The following PREP variants were observed in gnomAD, a reference collection of about 807,000 sequenced individuals.
PREP encodes the protein dJ355L5.1 (prolyl endopeptidase).
Under a neutral mutation model 87.6 loss-of-function variants are expected in PREP, and 29 were observed. The observed-to-expected ratio is 0.33, with a 90% CI of 0.25 to 0.45. The LOEUF (loss-of-function observed/expected upper bound fraction) is 0.45, where lower values mean the gene tolerates loss of function less well. Ranked by LOEUF, PREP falls within the 20% of genes least tolerant of loss-of-function variation. The probability of loss-of-function intolerance (pLI) is 1.00; values close to 1 mark genes in which losing one functional copy is unlikely to be tolerated. For synonymous variants in PREP, 337 were observed against 328.6 expected, an observed-to-expected ratio of 1.03 and a Z score of -0.28; for missense variants, 695 against 886.5, an observed-to-expected ratio of 0.78 and a Z score of 2.74.
chr6:105,394,994 T>A (rs545559111), intron 2 of PREP, among the ~76,000 whole-genome samples: 10 of 152,160 alleles, frequency 6.6e-5, no homozygotes, highest in African/African-American at 2.4e-4. Context: ...AAAACAATCA[T>A]TTCCAACAGA....
chr6:105,354,202 T>C (rs904233925), intron 6 of PREP, among the ~76,000 whole-genome samples: 2 of 152,204 alleles, frequency 1.3e-5, no homozygotes, highest in Non-Finnish European at 2.9e-5. Flanking sequence ...ATCCTACCCA[T>C]AAACATCTAT....
intron 5 of PREP, among the ~76,000 whole-genome samples, chr6:105,370,778 A>G (rs997047955): frequency 2.6e-5 from 4 of 152,214 alleles, no homozygotes. Context: ...AAAAGGCTAC[A>G]TACTGTCTAA....
intron 2 of PREP, among the ~76,000 whole-genome samples, chr6:105,393,544 A>G (rs1773214042): frequency 6.6e-6 from 1 of 152,232 alleles, no homozygotes; most frequent in Admixed American, 6.5e-5. Flanking sequence ...GATATGAAAT[A>G]TGTTAACAGA....
intron 2 of PREP, among the ~76,000 whole-genome samples, chr6:105,389,942 T>C (rs1354870321): frequency 3.9e-5 from 6 of 152,046 alleles, no homozygotes; most frequent in Admixed American, 1.3e-4. Flanking sequence ...GGACAGACAA[T>C]GAAGGGCACC....
At chr6:105,326,304 TAC>T (rs1771157285) in intron 9 of PREP, among the ~76,000 whole-genome samples, 1 of 152,094 alleles carries the variant, frequency 6.6e-6, no homozygotes, top group African/African-American at 2.4e-5. Context: ...GTTCCACAAG[TAC>T]AGAGTTCACC....
In PREP at chr6:105,278,566, G is replaced by T; in HGVS notation, c.1839-128C>A. The T allele has an allele frequency of 1.0e-6, 1 of 963,488 alleles. No individual in the cohort carries two copies. The highest frequency in any genetic ancestry group is 1.5e-6 in the Non-Finnish European group (1 of 662,122). 59.7% of individuals were successfully genotyped at this position (963,488 alleles called of 1,614,324 possible). A position where few individuals can be genotyped will look rare whatever the true frequency, so the allele number is the denominator to read the frequency against. On this transcript the variant is annotated intron_variant, in intron 14 of 14. Coordinates refer to ENST00000652536, the MANE Select transcript of PREP (RefSeq NM_002726.5). This position sits in a 1 kb window ranked among gnomAD's most constrained non-coding sequence, Gnocchi z 4.2. ...TACGTGAGTGACCACCATGGACTGTGCCTATGCGTTACCATTTAGGCCATG... is the reference window on the plus strand; with the variant it reads ...TACGTGAGTGACCACCATGGACTGTTCCTATGCGTTACCATTTAGGCCATG...
At chr6:105,397,105 A>G (rs1203484303) in intron 2 of PREP, among the ~76,000 whole-genome samples, 2 of 150,410 alleles carry the variant, frequency 1.3e-5, no homozygotes, top group African/African-American at 4.9e-5. Context: ...GAATTGCTTG[A>G]ACCCAGGAGG....
chr6:105,387,028 C>T (rs1160837092), intron 2 of PREP, among the ~76,000 whole-genome samples: 2 of 152,194 alleles, frequency 1.3e-5, no homozygotes, highest in East Asian at 1.9e-4. Context: ...GCTTGGCCAA[C>T]ATGGTGAAAC....
At chr6:105,373,719 T>C in intron 4 of PREP, 141 bp from the exon 5 acceptor site, 1 of 854,814 alleles carries the variant, frequency 1.2e-6, no homozygotes, top group Non-Finnish European at 1.8e-6. Flanking sequence ...TAGTGAGGAA[T>C]CCCGGGGGCT....
At chr6:105,367,340 T>C (rs1385063678) in intron 6 of PREP, among the ~76,000 whole-genome samples, 1 of 151,694 alleles carries the variant, frequency 6.6e-6, no homozygotes, top group Non-Finnish European at 1.5e-5. Flanking sequence ...TAAAAACAAA[T>C]ACGTGAGAAA....
rs140485551 is a variant in PREP at position 105,279,721 on chromosome 6, C to T, written c.1839-1283G>A. 9.0e-3 allele frequency among the ~76,000 whole-genome samples: 1,369 copies of T among 152,214 alleles called. 8 individuals carry two copies. Among genetic ancestry groups the T allele is most frequent in the Middle Eastern group, 0.024 (7 of 294 alleles). ...TGAGTTCCATGCTCATTTTACCAGC[C>T]GCAGGTGAAATGCAGCCCTGTGAGA... On this transcript the variant is annotated intron_variant, in intron 14 of 14. Transcript: ENST00000652536.
At chr6:105,291,608 T>C (rs1011318394) in intron 10 of PREP, among the ~76,000 whole-genome samples, 1 of 152,182 alleles carries the variant, frequency 6.6e-6, no homozygotes, top group African/African-American at 2.4e-5. Flanking sequence ...CCCTCAAACA[T>C]CGGACTCCAG....
At chr6:105,311,183 C>T (rs1380752485) in intron 10 of PREP, among the ~76,000 whole-genome samples, 1 of 152,176 alleles carries the variant, frequency 6.6e-6, no homozygotes, top group Non-Finnish European at 1.5e-5. Flanking sequence ...TTCCTTATCA[C>T]CCCCTCTAAT....
chr6:105,394,259 T>C (rs1395081686), intron 2 of PREP, among the ~76,000 whole-genome samples: 1 of 152,158 alleles, frequency 6.6e-6, no homozygotes, highest in Non-Finnish European at 1.5e-5. Context: ...ATGACAAATA[T>C]CATTCAAAAT....
intron 8 of PREP, among the ~76,000 whole-genome samples, chr6:105,330,418 G>A (rs781044478): frequency 6.6e-6 from 1 of 152,186 alleles, no homozygotes. Flanking sequence ...CAGGGATATG[G>A]AGAGTAAGGT....
At chr6:105,396,909 C>T (rs538573732) in intron 2 of PREP, among the ~76,000 whole-genome samples, 12 of 152,146 alleles carry the variant, frequency 7.9e-5, no homozygotes, top group Middle Eastern at 6.8e-3. Context: ...ATGGGCTGGG[C>T]GCGATGGTGC....
At chr6:105,374,632 TTATATATATATATATATA>T (rs61452752) in intron 4 of PREP, among the ~76,000 whole-genome samples, 6,230 of 90,174 alleles carry the variant, frequency 0.069, 447 homozygotes, top group East Asian at 0.11. Context: ...TTTGAATTGT[TTATATATATATATATATA>T]TATATATATA....
At chr6:105,385,360 A>G (rs1183871555) in intron 2 of PREP, among the ~76,000 whole-genome samples, 1 of 151,916 alleles carries the variant, frequency 6.6e-6, no homozygotes, top group African/African-American at 2.4e-5. Context: ...AGATGATGCT[A>G]CAGATACTCA....
Position 105,274,235 on chromosome 6 carries a change from G to A in PREP, c.*3909C>T, listed in dbSNP as rs1333532542. ...CTGGCAGATTTGGTGTCTAATGAGG[G>A]TTGCTTCCTGGTTCATAGGTGACAC... On this transcript the variant is annotated 3_prime_UTR_variant, in exon 15 of 15. Transcript: ENST00000652536. Among the ~76,000 whole-genome samples, 1 of 151,528 alleles carries A rather than the reference G, an allele frequency of 6.6e-6. No individual in the cohort carries two copies. Among genetic ancestry groups the A allele is most frequent in the Non-Finnish European group, 1.5e-5 (1 of 67,948 alleles).
Sources: gnomAD v4.1 joint callset for allele counts (sites outside exome capture counted in the v4.1 genomes callset) on GRCh38, gnomAD v4.1.1 for gene constraint, Gnocchi (gnomAD v3.1) non-coding constraint, MANE v1.5 for transcripts, NCBI Gene and HGNC (gene_info 2026-07-23, HGNC 2026-07-21) for gene names.